OSMR: variants seen among roughly 807,000 people sequenced by gnomAD.
OSMR encodes oncostatin-M-specific receptor subunit beta.
Under a neutral mutation model 99.9 loss-of-function variants are expected in OSMR, and 81 were observed. The observed-to-expected ratio is 0.81, with a 90% CI of 0.68 to 0.97. The LOEUF (loss-of-function observed/expected upper bound fraction) is 0.97. OSMR is among the 50% of genes least tolerant of loss of function. The probability of loss-of-function intolerance (pLI) is 0.00; values close to 1 mark genes in which losing one functional copy is unlikely to be tolerated. For synonymous variants in OSMR, 406 were observed against 410.4 expected, an observed-to-expected ratio of 0.99 and a Z score of 0.13; for missense variants, 1,099 against 1,153.4, an observed-to-expected ratio of 0.95 and a Z score of 0.68.
intron 9 of OSMR, among the ~76,000 whole-genome samples, chr5:38,906,322 A>G (rs1050074881): frequency 5.9e-5 from 9 of 152,164 alleles, no homozygotes; most frequent in Admixed American, 5.9e-4. Flanking sequence ...AATGAGATGA[A>G]TCTACTGAAG....
intron 2 of OSMR, chr5:38,944,907 A>T: frequency 1.2e-6 from 2 of 1,612,406 alleles, no homozygotes; most frequent in Non-Finnish European, 1.7e-6. Flanking sequence ...GAATCTGAAG[A>T]CTCACCTAGT....
chr5:38,885,929 G>T, intron 6 of OSMR, 110 bp from the exon 7 acceptor site: 1 of 1,506,346 alleles, frequency 6.6e-7, no homozygotes, highest in African/African-American at 1.4e-5. Flanking sequence ...GCCATTATGG[G>T]GAACATAGTT....
chr5:38,921,450 A>C, intron 11 of OSMR, 165 bp from the exon 12 acceptor site: 1 of 981,118 alleles, frequency 1.0e-6, no homozygotes, highest in Non-Finnish European at 1.2e-6. Context: ...AGAGACAAGA[A>C]CTCACCCATG....
intron 15 of OSMR, among the ~76,000 whole-genome samples, chr5:38,930,774 G>A (rs1191982012): frequency 1.3e-5 from 2 of 151,988 alleles, no homozygotes; most frequent in Admixed American, 1.3e-4. Context: ...TATTCAGGGA[G>A]GTAAAGGAAG....
chr5:38,911,510 G>A (rs986493491), intron 9 of OSMR, among the ~76,000 whole-genome samples: 3 of 152,068 alleles, frequency 2.0e-5, no homozygotes, highest in Non-Finnish European at 2.9e-5. Flanking sequence ...CCATTCCTAC[G>A]GAAACTATTC....
At chr5:38,930,140 C>G (rs563208099) in intron 15 of OSMR, among the ~76,000 whole-genome samples, 2 of 152,194 alleles carry the variant, frequency 1.3e-5, no homozygotes, top group Non-Finnish European at 2.9e-5. Flanking sequence ...CCAGTCATAT[C>G]CTTCACGTTG....
At chr5:38,868,278 G>A (rs927042604) in intron 1 of OSMR, among the ~76,000 whole-genome samples, 1 of 152,134 alleles carries the variant, frequency 6.6e-6, no homozygotes, top group Non-Finnish European at 1.5e-5. Flanking sequence ...GCTGGCTGCT[G>A]GCTGATCTAG....
At chr5:38,908,263 C>T (rs1389390067) in intron 9 of OSMR, among the ~76,000 whole-genome samples, 2 of 152,234 alleles carry the variant, frequency 1.3e-5, no homozygotes, top group East Asian at 1.9e-4. Flanking sequence ...TGCACAAAGA[C>T]TGGTAGCCTC....
In OSMR at chr5:38,932,987, C is replaced by T. The variant is rs1746836716; in HGVS notation, c.2483C>T (p.Thr828Ile). 6.2e-7 allele frequency: 1 copy of T among 1,614,178 alleles called. No homozygotes were observed. Among genetic ancestry groups the T allele is most frequent in the Non-Finnish European group, 8.5e-7 (1 of 1,180,022 alleles). ...IQFLGTRKSLTETELTKPNYL... is the reference protein window; with the variant it reads ...IQFLGTRKSLIETELTKPNYL... ...TTCCTAGGCACTAGGAAGTCACTCA[C>T]AGAAACCGAGTTGACTAAGCCTAAC... Residue 828 changes from threonine to isoleucine, a missense_variant, in exon 18 of 18, where the codon ACA becomes ATA. Transcript: ENST00000274276.
intron 1 of OSMR, chr5:38,943,071 A>G (rs1747765777): frequency 4.1e-6 from 3 of 725,572 alleles, no homozygotes; most frequent in South Asian, 3.7e-5. Flanking sequence ...CCCTACAGAT[A>G]TGGATTAGAT....
intron 10 of OSMR, 124 bp downstream of exon 10, chr5:38,917,746 C>T: frequency 1.4e-6 from 1 of 734,748 alleles, no homozygotes. Context: ...TCTTCACATT[C>T]ATCCAATAGA....
intron 9 of OSMR, among the ~76,000 whole-genome samples, chr5:38,911,982 A>G (rs1745619892): frequency 2.0e-5 from 3 of 152,286 alleles, no homozygotes; most frequent in East Asian, 1.9e-4. Context: ...AGCTGGAAGC[A>G]TTCCACTTGA....
chr5:38,908,025 G>A (rs1379512760), intron 9 of OSMR, among the ~76,000 whole-genome samples: 3 of 151,948 alleles, frequency 2.0e-5, no homozygotes, highest in Non-Finnish European at 2.9e-5. Flanking sequence ...GCGTGAATGT[G>A]TGCATGGCCC....
intron 2 of OSMR, among the ~76,000 whole-genome samples, chr5:38,869,894 C>A (rs916203646): frequency 2.6e-5 from 4 of 151,980 alleles, no homozygotes; most frequent in Non-Finnish European, 2.9e-5. Flanking sequence ...TGCTGTACTC[C>A]CCTTTTAAAT....
chr5:38,858,842 C>T (rs1160322863), intron 1 of OSMR, among the ~76,000 whole-genome samples: 1 of 152,156 alleles, frequency 6.6e-6, no homozygotes, highest in Non-Finnish European at 1.5e-5. Context: ...TTTTGATTTG[C>T]ATTTCCTTGA....
intron 1 of OSMR, chr5:38,941,640 A>C (rs1747585617): frequency 4.3e-6 from 1 of 232,226 alleles, no homozygotes; most frequent in South Asian, 1.8e-4. Flanking sequence ...AACACATTGC[A>C]ACAAAATGAA....
At chr5:38,886,016 G>A (rs1743720686) in intron 6 of OSMR, 23 bp from the exon 7 acceptor site, 1 of 1,611,716 alleles carries the variant, frequency 6.2e-7, no homozygotes, top group South Asian at 1.1e-5. Context: ...TAATGGTTGT[G>A]TTATTTTGTT....
At chr5:38,875,833 T>A (rs1051138840) in intron 2 of OSMR, among the ~76,000 whole-genome samples, 34 of 152,224 alleles carry the variant, frequency 2.2e-4, no homozygotes, top group Admixed American at 2.2e-3. Flanking sequence ...AAACTTTCAT[T>A]TCTGATGTTC....
Position 38,933,415 on chromosome 5 carries a change from C to G in OSMR, c.2911C>G (p.Leu971Val), listed in dbSNP as rs757205954. 5.0e-6 allele frequency: 8 copies of G among 1,613,990 alleles called. No individual in the cohort carries two copies. In the Admixed American group the frequency reaches 1.3e-4, roughly 27 times the overall value. ...TENSSLSSIT[L>V]LDPGEHYC ...GAATAGCAGCCTCTCCTCAATTACC[C>G]TTTTAGATCCAGGTGAACACTACTG... The change falls in exon 18 of 18, where the codon CTT becomes GTT. Residue 971 changes from leucine to valine, a missense_variant. By Grantham distance (32) the Leu-to-Val change is conservative. Transcript: ENST00000274276.
Sources: allele counts gnomAD v4.1 joint callset (sites outside exome capture counted in the v4.1 genomes callset), GRCh38; gene constraint gnomAD v4.1.1; transcripts MANE v1.5; gene names NCBI Gene and HGNC (gene_info 2026-07-23, HGNC 2026-07-21).